BTRC: variants seen among roughly 807,000 people sequenced by gnomAD.
BTRC encodes the protein F-box/WD repeat-containing protein 1A.
BTRC carries 42 observed loss-of-function variants against 85.5 expected under a neutral mutation model. The observed-to-expected ratio is 0.49, with a 90% CI of 0.38 to 0.64. The LOEUF is 0.64. Among genes scored for constraint, BTRC ranks in the 30% least tolerant of loss-of-function variants. The pLI, the probability that BTRC is intolerant of heterozygous loss-of-function variation, is 0.00. For missense variants in BTRC, 594 were observed against 743.5 expected (o/e 0.80, Z 2.34); for synonymous variants, 255 against 263.3 (o/e 0.97, Z 0.30).
chr10:101,454,150 G>A (rs1479647075), intron 2 of BTRC, among the ~76,000 whole-genome samples: 1 of 152,182 alleles, frequency 6.6e-6, no homozygotes, highest in Admixed American at 6.5e-5. Flanking sequence ...TAGCTGGACA[G>A]TCTGGGTTTA....
At chr10:101,434,739 C>T (rs1179309766) in intron 2 of BTRC, among the ~76,000 whole-genome samples, 6 of 151,490 alleles carry the variant, frequency 4.0e-5, no homozygotes, top group African/African-American at 1.5e-4. Flanking sequence ...GGCTATAGTG[C>T]CTGTGAAAAA....
intron 4 of BTRC, among the ~76,000 whole-genome samples, chr10:101,491,191 A>G (rs759558826): frequency 2.2e-4 from 33 of 152,150 alleles, no homozygotes; most frequent in Admixed American, 3.9e-4. Context: ...TCCATATTAC[A>G]TTGTTCTGTA....
chr10:101,389,606 A>C, intron 1 of BTRC, among the ~76,000 whole-genome samples: 1 of 137,180 alleles, frequency 7.3e-6, no homozygotes. Flanking sequence ...CTTTTGCCAA[A>C]CACCTTTTTT....
chr10:101,386,205 CCTTT>C (rs1019442519), intron 1 of BTRC, among the ~76,000 whole-genome samples: 2 of 152,104 alleles, frequency 1.3e-5, no homozygotes, highest in Non-Finnish European at 2.9e-5. Context: ...ATTTCCAGGA[CCTTT>C]CTATTTTTAT....
intron 2 of BTRC, among the ~76,000 whole-genome samples, chr10:101,446,434 T>G (rs1270579187): frequency 1.3e-5 from 2 of 152,150 alleles, no homozygotes; most frequent in Non-Finnish European, 2.9e-5. Flanking sequence ...AATTATCCAG[T>G]ACATTTTTTG....
intron 1 of BTRC, among the ~76,000 whole-genome samples, chr10:101,422,585 G>T (rs1460498512): frequency 6.6e-6 from 1 of 152,096 alleles, no homozygotes; most frequent in Non-Finnish European, 1.5e-5. Context: ...TTTCTTCTAG[G>T]GTTTTTATGG....
intron 1 of BTRC, among the ~76,000 whole-genome samples, chr10:101,399,742 A>G (rs1011326431): frequency 7.2e-5 from 11 of 152,334 alleles, no homozygotes; most frequent in African/African-American, 1.7e-4. Flanking sequence ...AAAGTAGGCA[A>G]TATCATCAGG....
chr10:101,392,827 TAA>T (rs1943271935), intron 1 of BTRC, among the ~76,000 whole-genome samples: 1 of 152,172 alleles, frequency 6.6e-6, no homozygotes, highest in Non-Finnish European at 1.5e-5. Context: ...CCCGACCAAT[TAA>T]AAGTTTTAAT....
chr10:101,541,777 A>T (rs3127231), intron 13 of BTRC, among the ~76,000 whole-genome samples: 1 of 151,908 alleles, frequency 6.6e-6, no homozygotes, highest in Non-Finnish European at 1.5e-5. Flanking sequence ...TGGTATAAAC[A>T]CCACTTGTTC....
intron 13 of BTRC, among the ~76,000 whole-genome samples, chr10:101,545,183 C>T (rs1307783749): frequency 6.6e-6 from 1 of 151,992 alleles, no homozygotes; most frequent in Non-Finnish European, 1.5e-5. Context: ...TCTTTTTCCT[C>T]TGGGTGCTTT....
intron 1 of BTRC, among the ~76,000 whole-genome samples, chr10:101,427,395 C>T (rs1469269049): frequency 1.3e-5 from 2 of 150,760 alleles, no homozygotes; most frequent in African/African-American, 2.4e-5. Context: ...GGATTACAGG[C>T]GTGAGCCACC....
intron 4 of BTRC, among the ~76,000 whole-genome samples, chr10:101,515,959 G>A (rs1333455651): frequency 6.6e-6 from 1 of 152,154 alleles, no homozygotes; most frequent in Non-Finnish European, 1.5e-5. Context: ...GGACACAAAG[G>A]GGGCTAGTGA....
intron 4 of BTRC, among the ~76,000 whole-genome samples, chr10:101,517,742 T>C (rs2062041770): frequency 1.3e-5 from 2 of 152,198 alleles, no homozygotes. Flanking sequence ...CAAACTTGGG[T>C]GTGATTTTGT....
chr10:101,538,688 G>A (rs1285744470), intron 13 of BTRC, among the ~76,000 whole-genome samples: 2 of 152,118 alleles, frequency 1.3e-5, no homozygotes, highest in Non-Finnish European at 2.9e-5. Context: ...CTAAGGGAGA[G>A]AGAATATAAT....
At chr10:101,429,752 CTG>C (rs964002497) in intron 1 of BTRC, among the ~76,000 whole-genome samples, 6 of 144,628 alleles carry the variant, frequency 4.1e-5, no homozygotes, top group African/African-American at 1.6e-4. Flanking sequence ...GCTATGGTAA[CTG>C]TGCATTTTGG....
intron 1 of BTRC, among the ~76,000 whole-genome samples, chr10:101,420,227 A>C (rs1270114675): frequency 6.6e-6 from 1 of 151,872 alleles, no homozygotes; most frequent in Non-Finnish European, 1.5e-5. Context: ...GATTATGAGA[A>C]ACCTAGCTCT....
intron 2 of BTRC, among the ~76,000 whole-genome samples, chr10:101,442,636 A>G (rs1944717610): frequency 6.6e-6 from 1 of 152,020 alleles, no homozygotes; most frequent in Admixed American, 6.6e-5. Flanking sequence ...TTAACTGGTG[A>G]AAAAAAATCG....
At chr10:101,366,804 A>T (rs1590205139) in intron 1 of BTRC, among the ~76,000 whole-genome samples, 3 of 80,416 alleles carry the variant, frequency 3.7e-5, no homozygotes, top group South Asian at 3.1e-4. Flanking sequence ...ACATTTATAT[A>T]TATATTTATA....
intron 3 of BTRC, among the ~76,000 whole-genome samples, chr10:101,473,132 G>T (rs575705715): frequency 7.5e-6 from 1 of 132,496 alleles, no homozygotes; most frequent in African/African-American, 3.4e-5. Context: ...GACTAAGACC[G>T]ATCTTTTTTT....
Sources: allele counts gnomAD v4.1 joint callset (sites outside exome capture counted in the v4.1 genomes callset), GRCh38; gene constraint gnomAD v4.1.1; transcripts MANE v1.5; gene names NCBI Gene and HGNC (gene_info 2026-07-23, HGNC 2026-07-21).